Variants in TTC27 observed in about 807,000 individuals in gnomAD.
TTC27 encodes tetratricopeptide repeat protein 27.
In TTC27, 79 loss-of-function variants were observed where a neutral mutation model predicts 115.9. That is an observed-to-expected ratio of 0.68 (90% CI 0.57 to 0.82). TTC27 has a LOEUF of 0.82. Among genes scored for constraint, TTC27 ranks in the 40% least tolerant of loss-of-function variants. The pLI, the probability that TTC27 is intolerant of heterozygous loss-of-function variation, is 0.00. For synonymous variants in TTC27, 401 were observed against 356.0 expected, an observed-to-expected ratio of 1.13 and a Z score of -1.42; for missense variants, 1,054 against 993.1, an observed-to-expected ratio of 1.06 and a Z score of -0.82.
intron 8 of TTC27, among the ~76,000 whole-genome samples, chr2:32,675,735 A>G (rs1293334714): frequency 6.6e-6 from 1 of 151,816 alleles, no homozygotes; most frequent in Non-Finnish European, 1.5e-5. Flanking sequence ...TGACTTAGAC[A>G]TTGTGTTAGG....
intron 3 of TTC27, chr2:32,635,172 T>C (rs184158621): frequency 9.2e-5 from 14 of 152,366 alleles, no homozygotes; most frequent in East Asian, 5.8e-4. Flanking sequence ...AGCTCCTATA[T>C]AGAGGGTCTG....
chr2:32,775,201 T>C lies in TTC27; in HGVS notation c.1681-2681T>C, dbSNP rs74963917. On this transcript the variant is annotated intron_variant, in intron 13 of 19. Coordinates refer to ENST00000317907, the MANE Select transcript of TTC27 (RefSeq NM_017735.5). ...TTTTGAATTTACATGTGTTTTTGTTTGTTTGTTTGTTTTTGAGACGGAGTC... is the reference window on the plus strand; with the variant it reads ...TTTTGAATTTACATGTGTTTTTGTTCGTTTGTTTGTTTTTGAGACGGAGTC... Among the ~76,000 whole-genome samples the C allele has an allele frequency of 7.2e-3, 1,091 of 152,304 alleles. 16 individuals carry two copies. The highest frequency in any genetic ancestry group is 0.025 in the African/African-American group (1,041 of 41,564).
At chr2:32,776,020 G>C (rs2148011431) in intron 13 of TTC27, among the ~76,000 whole-genome samples, 1 of 152,152 alleles carries the variant, frequency 6.6e-6, no homozygotes, top group Middle Eastern at 3.4e-3. Context: ...CTCATTTTTA[G>C]GTTGTTGAAA....
chr2:32,714,783 CTA>C (rs544018698), intron 10 of TTC27, among the ~76,000 whole-genome samples: 224 of 152,236 alleles, frequency 1.5e-3, no homozygotes, highest in African/African-American at 4.5e-3. Context: ...CCCATTCTGA[CTA>C]TTGTGAGATG....
chr2:32,679,975 C>T (rs1194966855), intron 9 of TTC27, among the ~76,000 whole-genome samples: 1 of 152,166 alleles, frequency 6.6e-6, no homozygotes, highest in Non-Finnish European at 1.5e-5. Context: ...GAGAGCAAGA[C>T]TCCGCCTCAA....
chr2:32,800,992 G>A (rs776635801), intron 16 of TTC27, among the ~76,000 whole-genome samples: 8 of 152,244 alleles, frequency 5.3e-5, no homozygotes, highest in Non-Finnish European at 7.4e-5. Context: ...ACTTACTCAC[G>A]TGCAAAAATA....
chr2:32,811,328 T>C, intron 17 of TTC27, 107 bp downstream of exon 17: 1 of 1,061,172 alleles, frequency 9.4e-7, no homozygotes. Flanking sequence ...AAAGATAAGA[T>C]TAGTATGCTT....
intron 13 of TTC27, among the ~76,000 whole-genome samples, chr2:32,767,463 T>G (rs1205374366): frequency 7.0e-6 from 1 of 142,372 alleles, no homozygotes; most frequent in Admixed American, 6.9e-5. Flanking sequence ...GTTTTTTTTT[T>G]TTTTTTTGAG....
chr2:32,738,428 T>C (rs1198186429), intron 12 of TTC27, among the ~76,000 whole-genome samples: 1 of 152,192 alleles, frequency 6.6e-6, no homozygotes, highest in African/African-American at 2.4e-5. Flanking sequence ...CTACGAGATG[T>C]TTTTTCTTCA....
At chr2:32,803,844 A>G (rs1472550373) in intron 16 of TTC27, among the ~76,000 whole-genome samples, 1 of 152,062 alleles carries the variant, frequency 6.6e-6, no homozygotes, top group Non-Finnish European at 1.5e-5. Context: ...CATCTCTACT[A>G]AAAATACAAA....
intron 13 of TTC27, among the ~76,000 whole-genome samples, chr2:32,765,161 T>C (rs2148001126): frequency 1.3e-5 from 2 of 152,340 alleles, no homozygotes; most frequent in Non-Finnish European, 2.9e-5. Context: ...AATCACTATG[T>C]ATGGTGGCTA....
chr2:32,665,843 A>G (rs1353595306), intron 6 of TTC27, among the ~76,000 whole-genome samples: 2 of 152,238 alleles, frequency 1.3e-5, no homozygotes, highest in East Asian at 3.8e-4. Context: ...GTGAGCTGAG[A>G]TCGCACCACT....
At position 32,777,923 on chromosome 2, in the gene TTC27, G is replaced by A; in HGVS notation, c.1722G>A (p.Leu574=). Residue 574 remains leucine (L), a synonymous_variant, in exon 14 of 20, where the codon TTG becomes TTA. Transcript: ENST00000317907. The part of the protein sequence containing the change: ...WFSLGCAYLA[L]EDYQGSAKAF... Reference sequence around the variant, plus strand: ...CTCTCGGTTGTGCCTATTTGGCCTTGGAAGACTATCAAGGTTCAGCAAAGG... The same window carrying A: ...CTCTCGGTTGTGCCTATTTGGCCTTAGAAGACTATCAAGGTTCAGCAAAGG... The A allele has an allele frequency of 6.2e-7, 1 of 1,613,960 alleles. No homozygotes were observed. The highest frequency in any genetic ancestry group is 8.5e-7 in the Non-Finnish European group (1 of 1,179,974).
chr2:32,808,473 A>G (rs1163031760), intron 16 of TTC27, among the ~76,000 whole-genome samples: 3 of 152,134 alleles, frequency 2.0e-5, no homozygotes. Context: ...TTCTGGTGGT[A>G]TCTGCATATG....
chr2:32,630,475 T>G, intron 1 of TTC27, 48 bp from the exon 2 acceptor site: 3 of 1,455,850 alleles, frequency 2.1e-6, no homozygotes, highest in Non-Finnish European at 2.8e-6. Context: ...CTTTACGGTA[T>G]GAAAAATAAT....
chr2:32,666,001 A>G lies in TTC27; in HGVS notation c.806-634A>G, dbSNP rs1373840192. Among the ~76,000 whole-genome samples the G allele has an allele frequency of 3.3e-5, 5 of 152,252 alleles. 1 individual carries two copies. The highest frequency in any genetic ancestry group is 5.9e-5 in the Non-Finnish European group (4 of 68,038). ...TAATGTATGACTTAGAGCCAGACTC[A>G]TAACAGGATAAAATCCAGACTTTCT... On this transcript the variant is annotated intron_variant, in intron 6 of 19. Transcript: ENST00000317907.
intron 9 of TTC27, among the ~76,000 whole-genome samples, chr2:32,695,132 T>C (rs1204156847): frequency 1.3e-5 from 2 of 152,182 alleles, no homozygotes; most frequent in Non-Finnish European, 2.9e-5. Flanking sequence ...ATCAGTATTA[T>C]CAATATGCAG....
At chr2:32,659,415 T>A (rs1336841308) in intron 5 of TTC27, among the ~76,000 whole-genome samples, 1 of 151,966 alleles carries the variant, frequency 6.6e-6, no homozygotes, top group Non-Finnish European at 1.5e-5. Flanking sequence ...TTCTTTATCT[T>A]ACCAATTTAA....
intron 9 of TTC27, among the ~76,000 whole-genome samples, chr2:32,686,463 ATTTG>A (rs1184217448): frequency 6.6e-6 from 1 of 151,702 alleles, no homozygotes; most frequent in African/African-American, 2.4e-5. Flanking sequence ...GGGCTCAAGC[ATTTG>A]TCCTGCCTCA....
Sources: allele counts gnomAD v4.1 joint callset (sites outside exome capture counted in the v4.1 genomes callset), GRCh38; gene constraint gnomAD v4.1.1; transcripts MANE v1.5; gene names NCBI Gene and HGNC (gene_info 2026-07-23, HGNC 2026-07-21).